Variants in SPTLC3 observed in about 807,000 individuals in gnomAD.
SPTLC3 encodes the protein serine palmitoyltransferase long chain base subunit 3.
A neutral mutation model predicts 59.3 loss-of-function variants in SPTLC3; 36 were observed. The observed-to-expected ratio is 0.61, with a 90% CI of 0.47 to 0.80. The LOEUF (loss-of-function observed/expected upper bound fraction) is 0.80, where lower values mean the gene tolerates loss of function less well. Among genes scored for constraint, SPTLC3 ranks in the 30% least tolerant of loss-of-function variants. SPTLC3 has a pLI of 0.00. For missense variants in SPTLC3, 625 were observed against 685.1 expected (o/e 0.91, Z 0.98); for synonymous variants, 257 against 240.8 (o/e 1.07, Z -0.62).
chr20:13,106,879 C>T (rs13038632), intron 6 of SPTLC3, among the ~76,000 whole-genome samples: 27 of 152,286 alleles, frequency 1.8e-4, no homozygotes, highest in South Asian at 4.2e-4. Flanking sequence ...CTCTGTATTC[C>T]GTTAGCCAAA....
intron 8 of SPTLC3, among the ~76,000 whole-genome samples, chr20:13,123,761 C>T (rs2037922329): frequency 6.6e-6 from 1 of 152,180 alleles, no homozygotes; most frequent in African/African-American, 2.4e-5. Flanking sequence ...ATCCAAATCT[C>T]CCCATCCCTC....
intron 11 of SPTLC3, among the ~76,000 whole-genome samples, chr20:13,162,915 A>T (rs7264061): frequency 6.6e-6 from 1 of 151,772 alleles, no homozygotes; most frequent in Non-Finnish European, 1.5e-5. Context: ...CTCCCATCTC[A>T]GCAAGCTAAA....
In SPTLC3 at chr20:13,160,073, G is replaced by A. The variant is rs61738161; in HGVS notation, c.1486G>A (p.Ala496Thr). ...CGTGGGATTTCCAGCCACTCCCCTC[G>A]CAGAAGCTCGGGCTCGGTTTTGTGT... Reference protein sequence around the residue: ...VVVGFPATPLAEARARFCVSA... With the variant: ...VVVGFPATPLTEARARFCVSA... The change falls in exon 11 of 12, where the codon GCA becomes ACA. Residue 496 changes from alanine to threonine, a missense_variant. Transcript: ENST00000399002. 63,880 of 1,613,308 alleles carry A rather than the reference G, an allele frequency of 0.04. 1,745 individuals carry two copies. Among genetic ancestry groups the A allele is most frequent in the Admixed American group, 0.11 (6,580 of 59,964 alleles).
chr20:13,055,251 A>C (rs759875341), intron 2 of SPTLC3, among the ~76,000 whole-genome samples: 27 of 151,952 alleles, frequency 1.8e-4, no homozygotes, highest in Admixed American at 3.3e-4. Flanking sequence ...TTGAGTTATA[A>C]AGGATAAAGA....
chr20:13,118,460 C>CAA (rs3041745), intron 8 of SPTLC3, among the ~76,000 whole-genome samples: 1 of 127,634 alleles, frequency 7.8e-6, no homozygotes, highest in Non-Finnish European at 1.6e-5. Flanking sequence ...AAAAAAAAAA[C>CAA]AAAAAAAAAC....
intron 1 of SPTLC3, among the ~76,000 whole-genome samples, chr20:13,040,076 T>C (rs1986910432): frequency 6.6e-6 from 1 of 151,018 alleles, no homozygotes; most frequent in Non-Finnish European, 1.5e-5. Context: ...TGTGTGTGTG[T>C]GTATGTATAC....
At chr20:13,017,146 G>A (rs1181530527) in intron 1 of SPTLC3, among the ~76,000 whole-genome samples, 2 of 152,200 alleles carry the variant, frequency 1.3e-5, no homozygotes, top group Non-Finnish European at 2.9e-5. Context: ...CAGAGTCAGT[G>A]TGAGTTAAAA....
intron 6 of SPTLC3, among the ~76,000 whole-genome samples, chr20:13,096,918 A>G (rs1989435701): frequency 6.6e-6 from 1 of 152,132 alleles, no homozygotes; most frequent in Non-Finnish European, 1.5e-5. Flanking sequence ...GGTCCTAGAC[A>G]CACTACTTTA....
chr20:13,130,107 C>A (rs939680957), intron 9 of SPTLC3, among the ~76,000 whole-genome samples: 1 of 152,168 alleles, frequency 6.6e-6, no homozygotes, highest in Non-Finnish European at 1.5e-5. Context: ...TTCTGCCTGA[C>A]ACATCTTTTG....
Position 13,074,362 on chromosome 20 carries a change from G to A in SPTLC3, c.472G>A (p.Val158Ile). 6.2e-7 allele frequency: 1 copy of A among 1,614,000 alleles called. No homozygotes were observed. Among genetic ancestry groups the A allele is most frequent in the Non-Finnish European group, 8.5e-7 (1 of 1,179,932 alleles). The change falls in exon 4 of 12, where the codon GTC becomes ATC. Residue 158 changes from valine to isoleucine, a missense_variant. By Grantham distance (29) the Val-to-Ile change is conservative. Coordinates refer to ENST00000399002, the MANE Select transcript of SPTLC3 (RefSeq NM_018327.4). ...YNWTFRFTGR[V>I]IKDVINMGSY... is the part of the protein sequence containing the mutation. ...GTTTCCCCACAGGTTTACTGGAAGA[G>A]TCATCAAAGATGTCATCAACATGGG...
chr20:13,072,939 A>C (rs1988500227), intron 3 of SPTLC3, among the ~76,000 whole-genome samples: 5 of 152,254 alleles, frequency 3.3e-5, no homozygotes. Flanking sequence ...GTTGATGCAT[A>C]ATACATGTAC....
chr20:13,151,438 G>A (rs753986817), intron 9 of SPTLC3, among the ~76,000 whole-genome samples: 3 of 152,232 alleles, frequency 2.0e-5, no homozygotes, highest in Non-Finnish European at 4.4e-5. Flanking sequence ...GGGCTGAGAT[G>A]TCAGCATCCC....
intron 2 of SPTLC3, among the ~76,000 whole-genome samples, chr20:13,057,453 A>G (rs1987774470): frequency 6.6e-6 from 1 of 152,140 alleles, no homozygotes; most frequent in South Asian, 2.1e-4. Flanking sequence ...CTCTGTGATG[A>G]CTTGTCTCAT....
In SPTLC3 at chr20:13,141,446, T is replaced by C. The variant is rs535258869; in HGVS notation, c.1280-12557T>C. Among the ~76,000 whole-genome samples, 163 of 152,346 alleles carry C rather than the reference T, an allele frequency of 1.1e-3. 1 individual carries two copies. Among genetic ancestry groups the C allele is most frequent in the Middle Eastern group, 3.4e-3 (1 of 294 alleles). Reference sequence around the variant, plus strand: ...TTCTCACATTTCTCAGTGTCTACCTTGGAAGAGTGTTCACTGAATACAAAA... The same window carrying C: ...TTCTCACATTTCTCAGTGTCTACCTCGGAAGAGTGTTCACTGAATACAAAA... On this transcript the variant is annotated intron_variant, in intron 9 of 11. Coordinates refer to ENST00000399002, the MANE Select transcript of SPTLC3 (RefSeq NM_018327.4).
Position 13,166,863 on chromosome 20 carries a change from C to T in SPTLC3, c.*1996C>T, listed in dbSNP as rs1169185859. ...TGAGCAGGAATGTCCACTATTATTACTTTCATGGAGGATATTGGGTCTAAT... is the reference window on the plus strand; with the variant it reads ...TGAGCAGGAATGTCCACTATTATTATTTTCATGGAGGATATTGGGTCTAAT... On this transcript the variant is annotated 3_prime_UTR_variant, in exon 12 of 12. Coordinates refer to ENST00000399002, the MANE Select transcript of SPTLC3 (RefSeq NM_018327.4). 6.6e-6 allele frequency: 1 copy of T among 152,160 alleles called. No individual in the cohort carries two copies. The highest frequency in any genetic ancestry group is 6.5e-5 in the Admixed American group (1 of 15,272). 9.4% of individuals were successfully genotyped at this position (152,160 alleles called of 1,614,324 possible). A position where few individuals can be genotyped will look rare whatever the true frequency, so the allele number is the denominator to read the frequency against.
intron 2 of SPTLC3, chr20:13,049,498 G>T: frequency 5.5e-6 from 1 of 181,210 alleles, no homozygotes; most frequent in Non-Finnish European, 1.2e-5. Context: ...CTAGTTGTAA[G>T]TTGGGTATTA....
At chr20:13,090,528 GT>G (rs1233486215) in intron 4 of SPTLC3, among the ~76,000 whole-genome samples, 8 of 152,070 alleles carry the variant, frequency 5.3e-5, no homozygotes, top group Non-Finnish European at 7.4e-5. Context: ...GAATTGTGGG[GT>G]TTTTTTGTAA....
At chr20:13,087,390 G>T (rs139311009) in intron 4 of SPTLC3, among the ~76,000 whole-genome samples, 172 of 152,284 alleles carry the variant, frequency 1.1e-3, no homozygotes, top group Middle Eastern at 6.8e-3. Context: ...GCAGGAAAGG[G>T]GAAATATATC....
At chr20:13,072,562 G>A in intron 3 of SPTLC3, 152 bp downstream of exon 3, 1 of 828,406 alleles carries the variant, frequency 1.2e-6, no homozygotes, top group Non-Finnish European at 1.8e-6. Flanking sequence ...GATGCCAGGG[G>A]AGGAAGGCAC....
Sources: gnomAD v4.1 joint callset for allele counts (sites outside exome capture counted in the v4.1 genomes callset) on GRCh38, gnomAD v4.1.1 for gene constraint, MANE v1.5 for transcripts, NCBI Gene and HGNC (gene_info 2026-07-23, HGNC 2026-07-21) for gene names.